Variants in PLXNA1 observed in about 807,000 individuals in gnomAD.
PLXNA1 encodes plexin-A1.
A neutral mutation model predicts 191.7 loss-of-function variants in PLXNA1; 77 were observed. The ratio of observed to expected loss-of-function variants is 0.40; its 90% confidence interval spans 0.33 to 0.49. The LOEUF (loss-of-function observed/expected upper bound fraction) is 0.49, where lower values mean the gene tolerates loss of function less well. Among genes scored for constraint, PLXNA1 ranks in the 20% least tolerant of loss-of-function variants. The pLI is 0.63. For missense variants in PLXNA1, 2,110 were observed against 2,660.2 expected, an observed-to-expected ratio of 0.79 and a Z score of 4.55; for synonymous variants, 1,137 against 1,156.4, an observed-to-expected ratio of 0.98 and a Z score of 0.34.
intron 1 of PLXNA1, among the ~76,000 whole-genome samples, chr3:126,985,246 G>A (rs1031592964): frequency 3.9e-5 from 6 of 152,088 alleles, no homozygotes; most frequent in Admixed American, 3.3e-4. Context: ...ACCAGGCGGC[G>A]ATCCCCTCCT....
At chr3:127,006,258 G>A (rs2079068723) in intron 8 of PLXNA1, 80 bp downstream of exon 8, 1 of 1,086,504 alleles carries the variant, frequency 9.2e-7, no homozygotes, top group Non-Finnish European at 1.4e-6. Flanking sequence ...CACTGTGCTT[G>A]CTGTCTGCAG....
At chr3:127,014,668 C>T (rs371012265) in intron 13 of PLXNA1, 39 bp downstream of exon 13, 548 of 844,772 alleles carry the variant, frequency 6.5e-4, no homozygotes, top group Middle Eastern at 3.0e-3. Context: ...CGGGACGGGA[C>T]GGGGCGGGGC....
At chr3:126,987,935 C>T (rs1388803627) in intron 1 of PLXNA1, among the ~76,000 whole-genome samples, 1 of 152,062 alleles carries the variant, frequency 6.6e-6, no homozygotes, top group Non-Finnish European at 1.5e-5. Flanking sequence ...TGGCCTGGGC[C>T]TCCATGTCCT....
chr3:127,028,139 T>C (rs775368299), intron 24 of PLXNA1, 42 bp from the exon 25 acceptor site: 3 of 1,603,932 alleles, frequency 1.9e-6, no homozygotes, highest in South Asian at 1.1e-5. Context: ...CACCCCCCAG[T>C]TGTGGGGCTG....
At position 127,007,910 on chromosome 3, in the gene PLXNA1, T is replaced by G; in HGVS notation, c.2109T>G (p.Ser703=). Residue 703 remains serine, a synonymous_variant, in exon 9 of 32, where the codon TCT becomes TCG. Transcript: ENST00000393409. ...TCCTGGAGGGCCGTGTCAACGTGTCTGAGGTAAGGCCGGGCAAGGGTGAGG... is the reference window on the plus strand; with the variant it reads ...TCCTGGAGGGCCGTGTCAACGTGTCGGAGGTAAGGCCGGGCAAGGGTGAGG... ...CAFLEGRVNV[S]EDCPQILPST... The G allele has an allele frequency of 6.2e-7, 1 of 1,607,056 alleles. No individual in the cohort carries two copies. The highest frequency in any genetic ancestry group is 8.5e-7 in the Non-Finnish European group (1 of 1,174,986).
At position 127,029,905 on chromosome 3, in the gene PLXNA1, C is replaced by T. The variant is rs2079199162; in HGVS notation, c.4902C>T (p.Asp1634=). Residue 1634 remains aspartate, a synonymous_variant, in exon 28 of 32, where the codon GAC becomes GAT. Coordinates refer to ENST00000393409, the MANE Select transcript of PLXNA1 (RefSeq NM_032242.4). ...TGCTGCGCACGGCCAGCAGCCCCGA[C>T]AGCCTGCGCTCGCGCACGCCCATGA... The part of the protein sequence containing the change: ...ESMLRTASSP[D]SLRSRTPMIT... 1 of 1,611,984 alleles carries T rather than the reference C, an allele frequency of 6.2e-7. No individual in the cohort carries two copies. The highest frequency in any genetic ancestry group is 8.5e-7 in the Non-Finnish European group (1 of 1,178,980).
intron 27 of PLXNA1, 113 bp downstream of exon 27, chr3:127,029,649 T>TC: frequency 8.3e-7 from 1 of 1,210,852 alleles, no homozygotes; most frequent in Non-Finnish European, 1.2e-6. Context: ...GGGGCAGGTG[T>TC]CAAGCCTGTC....
chr3:127,020,095 A>T, intron 20 of PLXNA1, 107 bp from the exon 21 acceptor site: 1 of 1,400,484 alleles, frequency 7.1e-7, no homozygotes, highest in Non-Finnish European at 9.8e-7. Context: ...TCACGAAACC[A>T]GTAAGTGTCA....
At position 127,020,251 on chromosome 3, in the gene PLXNA1, C is replaced by T. The variant is rs767350478; in HGVS notation, c.3945C>T (p.Asp1315=). ...TDIHELTNDL[D]GAGIPFLDYR... is the part of the protein sequence containing the mutation. ...TCCACGAGCTGACCAATGACCTGGACGGTGCCGGCATCCCCTTCCTTGACT... is the reference window on the plus strand; with the variant it reads ...TCCACGAGCTGACCAATGACCTGGATGGTGCCGGCATCCCCTTCCTTGACT... Residue 1315 remains aspartate (D), a synonymous_variant, in exon 21 of 32, where the codon GAC becomes GAT. Transcript: ENST00000393409. The T allele has an allele frequency of 2.0e-5, 32 of 1,613,102 alleles. No individual in the cohort carries two copies. Among genetic ancestry groups the T allele is most frequent in the South Asian group, 8.8e-5 (8 of 91,088 alleles).
In PLXNA1 at chr3:126,988,818, G is replaced by T; in HGVS notation, c.225G>T (p.Ser75=). Residue 75 remains serine (S), a synonymous_variant, in exon 2 of 32, where the codon TCG becomes TCT. Coordinates refer to ENST00000393409, the MANE Select transcript of PLXNA1 (RefSeq NM_032242.4). ...VGAVNRIYKL[S]GNLTLLRAHV... ...CAGTGAACCGCATCTATAAGCTGTC[G>T]GGGAACCTGACACTGCTGCGGGCCC... 6.2e-7 allele frequency: 1 copy of T among 1,613,300 alleles called. No homozygotes were observed.
At chr3:127,005,050 A>G (rs777622915) in intron 6 of PLXNA1, 40 bp from the exon 7 acceptor site, 2 of 1,610,272 alleles carry the variant, frequency 1.2e-6, no homozygotes, top group African/African-American at 2.7e-5. Flanking sequence ...GGGGACAGCC[A>G]TGGGGACCCT....
chr3:127,006,286 C>G, intron 8 of PLXNA1, 108 bp downstream of exon 8: 1 of 841,932 alleles, frequency 1.2e-6, no homozygotes. Context: ...CTCATGTGGC[C>G]AGGCAGCAGA....
intron 14 of PLXNA1, 123 bp from the exon 15 acceptor site, chr3:127,015,061 C>T (rs966150134): frequency 1.5e-5 from 21 of 1,419,640 alleles, no homozygotes; most frequent in East Asian, 4.6e-5. Context: ...GTGCAGCTCC[C>T]GGGCATGCGG....
intron 3 of PLXNA1, among the ~76,000 whole-genome samples, chr3:126,994,899 G>T (rs946598399): frequency 6.6e-6 from 1 of 152,016 alleles, no homozygotes; most frequent in Non-Finnish European, 1.5e-5. Flanking sequence ...GAGGCAGCTG[G>T]CCTGGCTGTG....
At chr3:127,021,862 C>T (rs886388180) in intron 21 of PLXNA1, among the ~76,000 whole-genome samples, 2 of 152,224 alleles carry the variant, frequency 1.3e-5, no homozygotes, top group Non-Finnish European at 2.9e-5. Flanking sequence ...TGGCAACAGG[C>T]AGTGGTGGCA....
At chr3:127,029,634 AC>A in intron 27 of PLXNA1, 98 bp downstream of exon 27, 1 of 1,319,626 alleles carries the variant, frequency 7.6e-7, no homozygotes, top group Non-Finnish European at 1.1e-6. Flanking sequence ...GGACGGGAGG[AC>A]CCAGGGGCAG....
rs1356815575 is a variant in PLXNA1, at chr3:126,998,495, G to A, written c.1378-4835G>A. ...TGGCCAAGCCCCAGGTTAGCCCGGA[G>A]CCCAGGCAGTGGTATGTGACTGAGG... On this transcript the variant is annotated intron_variant, in intron 3 of 31. Transcript: ENST00000393409. Among the ~76,000 whole-genome samples the A allele has an allele frequency of 2.6e-5, 4 of 152,202 alleles. No individual in the cohort carries two copies. In the East Asian group the frequency reaches 7.7e-4, roughly 29 times the overall value.
chr3:126,991,251 T>C, intron 2 of PLXNA1, 133 bp from the exon 3 acceptor site: 1 of 907,884 alleles, frequency 1.1e-6, no homozygotes, highest in Non-Finnish European at 1.7e-6. Context: ...ACCCTCTCTG[T>C]CTGCACCTCT....
chr3:127,014,110 A>G lies in PLXNA1; in HGVS notation c.2404A>G (p.Ile802Val). 3 of 1,613,722 alleles carry G rather than the reference A, an allele frequency of 1.9e-6. No homozygotes were observed. The highest frequency in any genetic ancestry group is 1.7e-6 in the Non-Finnish European group (2 of 1,179,866). ...GNFVIDNPQNIQAHLYKCPAL... is the reference protein window; with the variant it reads ...GNFVIDNPQNVQAHLYKCPAL... ...CTTTGTCATTGACAACCCACAGAAC[A>G]TCCAGGGTGAGTGGGCGCCCCGGCG... The change falls in exon 11 of 32, where the codon ATC becomes GTC. Residue 802 changes from isoleucine to valine, a missense_variant. Physicochemically the swap from Ile to Val is conservative, Grantham distance 29. Transcript: ENST00000393409.
Sources: allele counts gnomAD v4.1 joint callset (sites outside exome capture counted in the v4.1 genomes callset), GRCh38; gene constraint gnomAD v4.1.1; transcripts MANE v1.5; gene names NCBI Gene and HGNC (gene_info 2026-07-23, HGNC 2026-07-21).